Variants in CAMTA1 observed in about 807,000 individuals in gnomAD.
CAMTA1 encodes calmodulin binding transcription activator 1.
In CAMTA1, 27 loss-of-function variants were observed where a neutral mutation model predicts 170.9. That is an observed-to-expected ratio of 0.16 (90% confidence interval 0.12 to 0.22). The LOEUF (loss-of-function observed/expected upper bound fraction) is 0.22. Ranked by LOEUF, CAMTA1 falls within the 10% of genes least tolerant of loss-of-function variation. The probability of loss-of-function intolerance (pLI) is 1.00; values close to 1 mark genes in which losing one functional copy is unlikely to be tolerated. For synonymous variants in CAMTA1, 833 were observed against 891.5 expected, an observed-to-expected ratio of 0.93 and a Z score of 1.17; for missense variants, 1,619 against 2,217.2, an observed-to-expected ratio of 0.73 and a Z score of 5.42.
intron 6 of CAMTA1, among the ~76,000 whole-genome samples, chr1:7,582,735 G>A (rs940867668): frequency 7.2e-5 from 11 of 151,880 alleles, no homozygotes; most frequent in Non-Finnish European, 1.0e-4. Context: ...TACTACTTTC[G>A]CTCACAAACC....
At chr1:6,836,632 C>T (rs1653272175) in intron 3 of CAMTA1, among the ~76,000 whole-genome samples, 1 of 152,072 alleles carries the variant, frequency 6.6e-6, no homozygotes, top group Non-Finnish European at 1.5e-5. Flanking sequence ...TGCATGTGCA[C>T]TCATCCAGGT....
intron 5 of CAMTA1, among the ~76,000 whole-genome samples, chr1:7,298,815 C>T (rs555604536): frequency 8.5e-5 from 13 of 152,294 alleles, no homozygotes; most frequent in African/African-American, 2.4e-4. Context: ...ATTTCAGACA[C>T]GTGGGTGAGT....
intron 6 of CAMTA1, among the ~76,000 whole-genome samples, chr1:7,499,906 A>T (rs2093952480): frequency 7.4e-6 from 1 of 135,456 alleles, no homozygotes; most frequent in African/African-American, 2.9e-5. Context: ...TATGTATATG[A>T]GTGTGTGTGT....
Position 7,130,518 on chromosome 1 carries a change from A to G in CAMTA1, c.302+39147A>G, listed in dbSNP as rs148900582. On this transcript the variant is annotated intron_variant, in intron 4 of 22. Transcript: ENST00000303635. ...GTATGGGAAGTATATTGAACTTTAT[A>G]TGAAACCATCAAAGTATTTTCCTAT... Among the ~76,000 whole-genome samples, 1,133 of 152,302 alleles carry G rather than the reference A, an allele frequency of 7.4e-3. 15 individuals carry two copies. The highest frequency in any genetic ancestry group is 0.011 in the Non-Finnish European group (736 of 68,016).
At chr1:7,645,974 G>A (rs1196301704) in intron 7 of CAMTA1, among the ~76,000 whole-genome samples, 1 of 152,220 alleles carries the variant, frequency 6.6e-6, no homozygotes, top group Non-Finnish European at 1.5e-5. Flanking sequence ...AGGCCACAAA[G>A]GCCATGTTGA....
At chr1:7,596,398 G>A (rs983254041) in intron 6 of CAMTA1, among the ~76,000 whole-genome samples, 1 of 152,184 alleles carries the variant, frequency 6.6e-6, no homozygotes, top group Non-Finnish European at 1.5e-5. Context: ...AGGCTTCTTG[G>A]CCCCGAATCT....
intron 3 of CAMTA1, among the ~76,000 whole-genome samples, chr1:6,855,997 T>A (rs906601935): frequency 6.6e-6 from 1 of 152,104 alleles, no homozygotes; most frequent in Admixed American, 6.5e-5. Flanking sequence ...CAGAAGTTGC[T>A]CACTAGGGCG....
chr1:7,091,253 G>C, intron 3 of CAMTA1, 51 bp from the exon 4 acceptor site: 1 of 1,355,230 alleles, frequency 7.4e-7, no homozygotes, highest in Non-Finnish European at 1.1e-6. Flanking sequence ...TACCTCTCAG[G>C]ATCCAATGTG....
At chr1:7,177,365 C>A (rs1426359600) in intron 4 of CAMTA1, among the ~76,000 whole-genome samples, 1 of 150,622 alleles carries the variant, frequency 6.6e-6, no homozygotes, top group Non-Finnish European at 1.5e-5. Flanking sequence ...AAGCCCTGTC[C>A]ACATACCAAT....
At chr1:7,489,442 A>G (rs1286643926) in intron 6 of CAMTA1, among the ~76,000 whole-genome samples, 2 of 152,162 alleles carry the variant, frequency 1.3e-5, no homozygotes, top group Non-Finnish European at 2.9e-5. Context: ...ATTGGCATGC[A>G]GGGCACTGGG....
At chr1:6,871,266 T>C (rs1179356242) in intron 3 of CAMTA1, among the ~76,000 whole-genome samples, 2 of 152,224 alleles carry the variant, frequency 1.3e-5, no homozygotes, top group African/African-American at 2.4e-5. Context: ...TTAATAGATA[T>C]AGTTACACGG....
intron 11 of CAMTA1, among the ~76,000 whole-genome samples, chr1:7,728,757 T>C (rs530055197): frequency 6.6e-6 from 1 of 152,350 alleles, no homozygotes; most frequent in East Asian, 1.9e-4. Flanking sequence ...TTCTTAGGCT[T>C]CACATGGAAG....
Position 7,738,380 on chromosome 1 carries a change from T to A in CAMTA1, c.4080T>A (p.Ser1360Arg). The A allele has an allele frequency of 6.2e-7, 1 of 1,613,874 alleles. No individual in the cohort carries two copies. Among genetic ancestry groups the A allele is most frequent in the South Asian group, 1.1e-5 (1 of 91,060 alleles). Residue 1360 changes from serine (S) to arginine (R), a missense_variant, in exon 16 of 23, where the codon AGT becomes AGA. Physicochemically the swap from Ser to Arg is moderately radical, Grantham distance 110 (BLOSUM62 -1). This residue lies in a region of CAMTA1 where 370 missense variants were observed against 429.4 expected (regional missense o/e 0.86). Transcript: ENST00000303635. This position sits in a 1 kb window ranked among gnomAD's most constrained non-coding sequence, Gnocchi z 4.9. ...PSQVRPREPM[S>R]VLMMANREVV... The stretch of plus-strand genomic sequence containing the variant: ...AGGTGCGTCCACGGGAACCAATGAG[T>A]GTCCTGATGATGGCTAACAGAGAGG...
At chr1:7,654,610 A>G (rs1197538871) in intron 7 of CAMTA1, among the ~76,000 whole-genome samples, 7 of 149,290 alleles carry the variant, frequency 4.7e-5, no homozygotes, top group Non-Finnish European at 8.9e-5. Flanking sequence ...ACACACTCCT[A>G]TACACACAAA....
Position 7,293,124 on chromosome 1 carries a change from C to A in CAMTA1, c.438+43498C>A, listed in dbSNP as rs1384424314. The stretch of plus-strand genomic sequence containing the variant: ...TTGCTTTTCTGCTGTATTCCTGCCC[C>A]CTTTCTACTGCTTTCCAGTGGACAG... On this transcript the variant is annotated intron_variant, in intron 5 of 22. Transcript: ENST00000303635. The surrounding 1 kb of genome is among the most constrained non-coding windows in gnomAD (Gnocchi z 4.1). 6.6e-6 allele frequency among the ~76,000 whole-genome samples: 1 copy of A among 152,192 alleles called. No individual in the cohort carries two copies. Among genetic ancestry groups the A allele is most frequent in the Non-Finnish European group, 1.5e-5 (1 of 68,030 alleles).
At chr1:7,207,636 G>A (rs1457071004) in intron 4 of CAMTA1, among the ~76,000 whole-genome samples, 2 of 152,210 alleles carry the variant, frequency 1.3e-5, no homozygotes, top group South Asian at 2.1e-4. Context: ...CCTGGGTCAC[G>A]AGGCCAGTGG....
chr1:7,392,563 C>T (rs1356701302), intron 5 of CAMTA1, among the ~76,000 whole-genome samples: 2 of 140,480 alleles, frequency 1.4e-5, no homozygotes, highest in Non-Finnish European at 3.1e-5. Flanking sequence ...CCAAGACCCC[C>T]ATCTTTACAA....
At chr1:7,330,519 A>G (rs1338789163) in intron 5 of CAMTA1, among the ~76,000 whole-genome samples, 2 of 152,158 alleles carry the variant, frequency 1.3e-5, no homozygotes, top group Non-Finnish European at 2.9e-5. Context: ...ATGAGGAACC[A>G]GGAGCACCCA....
intron 3 of CAMTA1, among the ~76,000 whole-genome samples, chr1:6,867,668 A>G (rs1443103897): frequency 3.3e-5 from 5 of 152,228 alleles, no homozygotes; most frequent in African/African-American, 1.2e-4. Context: ...TAAAAATGTA[A>G]TCCCCACTAA....
Sources: gnomAD v4.1 joint callset for allele counts (sites outside exome capture counted in the v4.1 genomes callset) on GRCh38, gnomAD v4.1.1 for gene constraint, gnomAD v4.1.1 regional missense constraint, Gnocchi (gnomAD v3.1) non-coding constraint, MANE v1.5 for transcripts, NCBI Gene and HGNC (gene_info 2026-07-23, HGNC 2026-07-21) for gene names.